YY1AP1: variants seen among roughly 807,000 people sequenced by gnomAD.
YY1AP1 encodes the protein YY1-associated protein 1.
Under a neutral mutation model 39.9 loss-of-function variants are expected in YY1AP1, and 43 were observed. That is an observed-to-expected ratio of 1.08 (90% CI 0.84 to 1.39). The LOEUF is 1.39. Among genes scored for constraint, YY1AP1 ranks in the 40% most tolerant of loss-of-function variants. The pLI is 0.00. For missense variants in YY1AP1, 813 were observed against 900.7 expected (o/e 0.90, Z 1.25); for synonymous variants, 292 against 331.3 (o/e 0.88, Z 1.29).
chr1:155,660,289 A>G lies in YY1AP1; in HGVS notation c.1621T>C (p.Cys541Arg), dbSNP rs762169627. 6.2e-7 allele frequency: 1 copy of G among 1,614,204 alleles called. No individual in the cohort carries two copies. ...TGGATAACAGGGGCAGGTTTGATAC[A>G]GCGAAAGGCCCTGGCTCCCCTTCTT... ...SKRRGARAFR[C>R]IKPAPVIHPA... Residue 541 changes from cysteine to arginine, a missense_variant, in exon 11 of 11, where the codon TGT becomes CGT. Around this residue, in one of 3 missense-constraint regions of YY1AP1, gnomAD observed 586 missense variants for 647.4 expected, o/e 0.91. Transcript: ENST00000355499.
upstream of YY1AP1, chr1:155,688,959 G>C (rs1653220779): frequency 6.2e-7 from 1 of 1,610,978 alleles, no homozygotes; most frequent in Non-Finnish European, 8.5e-7. Context: ...CGGCGCTGCG[G>C]CTCGCCTCCT....
Position 155,670,422 on chromosome 1 carries a change from A to G in YY1AP1, c.626T>C (p.Leu209Pro), listed in dbSNP as rs1649682010. 6.2e-7 allele frequency: 1 copy of G among 1,614,092 alleles called. No homozygotes were observed. Among genetic ancestry groups the G allele is most frequent in the Non-Finnish European group, 8.5e-7 (1 of 1,180,038 alleles). ...ATACATGAAAACCTTGCTTGTGGCCAGGATCCAAGCCACTTGCTTTGGCAA... is the reference window on the plus strand; with the variant it reads ...ATACATGAAAACCTTGCTTGTGGCCGGGATCCAAGCCACTTGCTTTGGCAA... ...PCLPKQVAWI[L>P]ATSKVFMYPE... Residue 209 changes from leucine (L) to proline (P), a missense_variant, in exon 8 of 11, where the codon CTG becomes CCG. Physicochemically the swap from Leu to Pro is moderately conservative, Grantham distance 98. Around this residue, in one of 3 missense-constraint regions of YY1AP1, gnomAD observed 31 missense variants for 63.7 expected, o/e 0.49. Transcript: ENST00000355499.
intron 4 of YY1AP1, among the ~76,000 whole-genome samples, chr1:155,678,317 T>C (rs1343853046): frequency 6.6e-6 from 1 of 152,234 alleles, no homozygotes; most frequent in Non-Finnish European, 1.5e-5. Flanking sequence ...ACAGAGGGTA[T>C]GACCATGAGA....
intron 4 of YY1AP1, among the ~76,000 whole-genome samples, chr1:155,677,486 AC>A (rs1291480177): frequency 6.6e-6 from 1 of 152,176 alleles, no homozygotes; most frequent in East Asian, 1.9e-4. Flanking sequence ...AGAATAATAT[AC>A]CTAAATGATT....
chr1:155,677,939 A>C (rs1650956823), intron 4 of YY1AP1, among the ~76,000 whole-genome samples: 1 of 152,178 alleles, frequency 6.6e-6, no homozygotes, highest in African/African-American at 2.4e-5. Flanking sequence ...AGATGTGCTT[A>C]CTCTCTATGG....
chr1:155,663,650 C>T (rs1439476664), intron 9 of YY1AP1, among the ~76,000 whole-genome samples: 3 of 150,286 alleles, frequency 2.0e-5, no homozygotes, highest in Non-Finnish European at 4.4e-5. Context: ...ACCTGGGAGG[C>T]AGAGGTTCCA....
intron 2 of YY1AP1, among the ~76,000 whole-genome samples, chr1:155,684,290 C>T (rs927278745): frequency 1.3e-5 from 2 of 151,974 alleles, no homozygotes; most frequent in African/African-American, 4.8e-5. Flanking sequence ...GAGACCTAAT[C>T]TCAATTAAAA....
At chr1:155,688,800 G>T, upstream of YY1AP1, 1 of 1,549,832 alleles carries the variant, frequency 6.5e-7, no homozygotes, top group African/African-American at 1.4e-5. Flanking sequence ...GCCTCCCACA[G>T]TCCCCACCGC....
Position 155,675,088 on chromosome 1 carries a change from C to A in YY1AP1, c.333G>T (p.Gln111His). 3.7e-6 allele frequency: 6 copies of A among 1,613,436 alleles called. No individual in the cohort carries two copies. The highest frequency in any genetic ancestry group is 4.2e-6 in the Non-Finnish European group (5 of 1,179,616). ...CAAGAAGGTGGATTTGTGTCAAGAG[C>A]TGAACATGCTGGGGAGAGAAAGAAA... ...RLQQQMQQHV[Q>H]LLTQIHLLAT... Residue 111 changes from glutamine to histidine, a missense_variant, in exon 6 of 11, where the codon CAG becomes CAT. Physicochemically the swap from Gln to His is conservative, Grantham distance 24 (BLOSUM62 0). Around this residue, in one of 3 missense-constraint regions of YY1AP1, gnomAD observed 196 missense variants for 189.7 expected, o/e 1.03. Transcript: ENST00000355499.
intron 9 of YY1AP1, among the ~76,000 whole-genome samples, chr1:155,666,379 C>G (rs1455311152): frequency 6.6e-6 from 1 of 152,160 alleles, no homozygotes; most frequent in Non-Finnish European, 1.5e-5. Context: ...CCTTGGCCTC[C>G]CAAAGTGCTG....
chr1:155,675,683 C>T (rs1650548752), intron 5 of YY1AP1, among the ~76,000 whole-genome samples: 1 of 151,936 alleles, frequency 6.6e-6, no homozygotes, highest in African/African-American at 2.4e-5. Flanking sequence ...CTTTTGAACT[C>T]CCCTGCTCAA....
intron 9 of YY1AP1, among the ~76,000 whole-genome samples, chr1:155,662,247 T>G (rs1040895768): frequency 6.6e-6 from 1 of 152,128 alleles, no homozygotes; most frequent in Non-Finnish European, 1.5e-5. Context: ...ACCCAGCACT[T>G]TGTGAGGCTG....
chr1:155,659,631 A>C lies in YY1AP1; in HGVS notation c.*26T>G, dbSNP rs945898661. The C allele has an allele frequency of 2.5e-6, 4 of 1,612,636 alleles. No homozygotes were observed. The highest frequency in any genetic ancestry group is 3.4e-6 in the Non-Finnish European group (4 of 1,179,276). On this transcript the variant is annotated 3_prime_UTR_variant, in exon 11 of 11. Transcript: ENST00000355499. The stretch of plus-strand genomic sequence containing the variant: ...ATCGGAGGCCGAAGTGAAGGCTCCC[A>C]GTCTCCAGACTCTTATTCTCCTAGC...
rs537349 is a variant in YY1AP1 at position 155,660,001 on chromosome 1, T to C, written c.1909A>G (p.Met637Val). 2.2e-4 allele frequency: 360 copies of C among 1,614,022 alleles called. 2 individuals are homozygous for C. The highest frequency in any genetic ancestry group is 2.1e-3 in the Middle Eastern group (13 of 6,084). Residue 637 changes from methionine to valine, a missense_variant, in exon 11 of 11, where the codon ATG becomes GTG. Coordinates refer to ENST00000355499, the MANE Select transcript of YY1AP1 (RefSeq NM_139119.3). ...ACAGCACAAGCAATGTCCACATTCA[T>C]GTGGGCCTTATCTTCAGGGGTGGAT... ...IPSTPEDKAH[M>V]NVDIACAVAD...
At chr1:155,665,129 G>A (rs1217303129) in intron 9 of YY1AP1, among the ~76,000 whole-genome samples, 3 of 151,904 alleles carry the variant, frequency 2.0e-5, no homozygotes, top group South Asian at 2.1e-4. Flanking sequence ...GGATGCTACT[G>A]GAATGGGGCC....
intron 9 of YY1AP1, among the ~76,000 whole-genome samples, chr1:155,662,481 G>T (rs1648311699): frequency 6.6e-6 from 1 of 150,908 alleles, no homozygotes; most frequent in Admixed American, 6.6e-5. Context: ...TCCAGCGTTG[G>T]TAACAGGGTG....
At chr1:155,668,374 A>G (rs1282370832) in intron 9 of YY1AP1, among the ~76,000 whole-genome samples, 1 of 152,208 alleles carries the variant, frequency 6.6e-6, no homozygotes, top group Non-Finnish European at 1.5e-5. Flanking sequence ...TCATTTCTAG[A>G]AAGTTCAAGA....
At position 155,660,726 on chromosome 1, in the gene YY1AP1, A is replaced by T. The variant is rs201450164; in HGVS notation, c.1184T>A (p.Val395Asp). 6.2e-7 allele frequency: 1 copy of T among 1,614,244 alleles called. No individual in the cohort carries two copies. The highest frequency in any genetic ancestry group is 8.5e-7 in the Non-Finnish European group (1 of 1,180,046). The change falls in exon 11 of 11, where the codon GTT (valine) becomes GAT (aspartate). Residue 395 changes from valine (V) to aspartate (D), a missense_variant. Transcript: ENST00000355499. ...PKGVVLKLKP[V>D]ADRFPKKAWR... ...AGCCTTCTTGGGGAAACGGTCGGCA[A>T]CTGGCTTCAGTTTCAGGACTACACC...
chr1:155,676,529 T>C lies in YY1AP1; in HGVS notation c.324+19A>G, dbSNP rs1650714975. ...GCCTTGGTATAATTCAATATTAATA[T>C]GACCAAGGAAAGTGTTACCTGCTGC... On this transcript the variant is annotated intron_variant, in intron 5 of 10. Coordinates refer to ENST00000355499, the MANE Select transcript of YY1AP1 (RefSeq NM_139119.3). The C allele has an allele frequency of 1.2e-6, 2 of 1,613,666 alleles. No homozygotes were observed. The highest frequency in any genetic ancestry group is 1.1e-5 in the South Asian group (1 of 91,086).
Sources: gnomAD v4.1 joint callset for allele counts (sites outside exome capture counted in the v4.1 genomes callset) on GRCh38, gnomAD v4.1.1 for gene constraint, gnomAD v4.1.1 regional missense constraint, MANE v1.5 for transcripts, NCBI Gene and HGNC (gene_info 2026-07-23, HGNC 2026-07-21) for gene names.